The following GRM7 variants were observed in gnomAD, a reference collection of about 807,000 sequenced individuals.
The protein encoded by GRM7 is glutamate metabotropic receptor 7, also known as metabotropic glutamate receptor 7.
A neutral mutation model predicts 84.5 loss-of-function variants in GRM7; 35 were observed. That is an observed-to-expected ratio of 0.41 (90% CI 0.32 to 0.55). The LOEUF (loss-of-function observed/expected upper bound fraction) is 0.55. GRM7 is among the 20% of genes least tolerant of loss of function. The pLI, the probability that GRM7 is intolerant of heterozygous loss-of-function variation, is 0.19. For synonymous variants in GRM7, 487 were observed against 455.1 expected (o/e 1.07, Z -0.89); for missense variants, 1,003 against 1,194.6 (o/e 0.84, Z 2.36).
chr3:7,590,169 C>G (rs2125062547), intron 8 of GRM7, among the ~76,000 whole-genome samples: 1 of 152,246 alleles, frequency 6.6e-6, no homozygotes, highest in East Asian at 1.9e-4. Flanking sequence ...ACCTGTGACC[C>G]CCAACCAGTG....
intron 8 of GRM7, among the ~76,000 whole-genome samples, chr3:7,657,445 C>A (rs1699256626): frequency 6.6e-6 from 1 of 152,206 alleles, no homozygotes; most frequent in Non-Finnish European, 1.5e-5. Context: ...AATTCAACCC[C>A]AAAAAATGTA....
At chr3:7,020,546 A>G (rs1361772885) in intron 1 of GRM7, among the ~76,000 whole-genome samples, 1 of 152,180 alleles carries the variant, frequency 6.6e-6, no homozygotes, top group Non-Finnish European at 1.5e-5. Context: ...CTACTGACAT[A>G]ATGTTTGAGA....
At chr3:7,505,602 C>T (rs896581528) in intron 7 of GRM7, among the ~76,000 whole-genome samples, 2 of 152,212 alleles carry the variant, frequency 1.3e-5, no homozygotes, top group Non-Finnish European at 2.9e-5. Flanking sequence ...CATGCCTGCA[C>T]AATTAGAGCC....
At chr3:7,529,167 C>T (rs780580820) in intron 7 of GRM7, among the ~76,000 whole-genome samples, 3 of 151,988 alleles carry the variant, frequency 2.0e-5, no homozygotes, top group Non-Finnish European at 4.4e-5. Flanking sequence ...TGGTAAAGTT[C>T]GAGAGCCTTT....
intron 4 of GRM7, among the ~76,000 whole-genome samples, chr3:7,341,054 A>G (rs781306814): frequency 2.0e-5 from 3 of 152,142 alleles, no homozygotes; most frequent in Non-Finnish European, 4.4e-5. Context: ...GGCCATACAG[A>G]CAATGCTTCT....
intron 2 of GRM7, among the ~76,000 whole-genome samples, chr3:7,263,914 C>T (rs1414773798): frequency 6.6e-6 from 1 of 152,056 alleles, no homozygotes; most frequent in East Asian, 1.9e-4. Context: ...TACACACGTG[C>T]CAGCAAAGTG....
At chr3:7,722,789 G>A (rs1356424971) in intron 9 of GRM7, among the ~76,000 whole-genome samples, 1 of 151,864 alleles carries the variant, frequency 6.6e-6, no homozygotes, top group Non-Finnish European at 1.5e-5. Context: ...TGGCTATTTT[G>A]ATGATCACTC....
intron 4 of GRM7, among the ~76,000 whole-genome samples, chr3:7,338,568 A>G (rs917480201): frequency 1.3e-5 from 2 of 152,158 alleles, no homozygotes; most frequent in African/African-American, 2.4e-5. Context: ...ATCGTTAAGT[A>G]CAACAAGCAA....
chr3:7,181,769 C>T (rs2125097603), intron 2 of GRM7, among the ~76,000 whole-genome samples: 1 of 152,014 alleles, frequency 6.6e-6, no homozygotes, highest in Non-Finnish European at 1.5e-5. Flanking sequence ...CCAGCACACC[C>T]AGTTATTTTT....
intron 9 of GRM7, among the ~76,000 whole-genome samples, chr3:7,730,585 G>A (rs559011085): frequency 2.0e-5 from 3 of 152,324 alleles, no homozygotes; most frequent in East Asian, 1.9e-4. Flanking sequence ...TTCAATAAAT[G>A]TATAAAGGAA....
intron 5 of GRM7, among the ~76,000 whole-genome samples, chr3:7,416,346 C>T (rs59890810): frequency 6.6e-6 from 1 of 152,198 alleles, no homozygotes; most frequent in East Asian, 1.9e-4. Flanking sequence ...GTAGTGATGA[C>T]CTTCAGGTAT....
At chr3:7,650,463 C>A (rs1366637462) in intron 8 of GRM7, among the ~76,000 whole-genome samples, 1 of 152,124 alleles carries the variant, frequency 6.6e-6, no homozygotes, top group Non-Finnish European at 1.5e-5. Context: ...TGTGTCAGGC[C>A]AAATGGAAGT....
intron 2 of GRM7, among the ~76,000 whole-genome samples, chr3:7,286,707 C>G (rs1483763748): frequency 1.3e-5 from 2 of 152,110 alleles, no homozygotes; most frequent in South Asian, 4.1e-4. Context: ...TTAAGGATCT[C>G]TGCATGCATG....
chr3:7,411,276 G>C (rs531398264), intron 4 of GRM7, among the ~76,000 whole-genome samples: 1 of 152,064 alleles, frequency 6.6e-6, no homozygotes. Flanking sequence ...GTTAGGACAT[G>C]GACATTTTTT....
intron 1 of GRM7, among the ~76,000 whole-genome samples, chr3:6,942,350 T>G (rs1247878900): frequency 6.6e-6 from 1 of 152,182 alleles, no homozygotes; most frequent in Non-Finnish European, 1.5e-5. Flanking sequence ...AATATAAGTT[T>G]TGACTTATGT....
intron 2 of GRM7, among the ~76,000 whole-genome samples, chr3:7,296,410 T>G (rs1699816306): frequency 6.6e-6 from 1 of 152,100 alleles, no homozygotes. Context: ...TAAAATGAGT[T>G]ATGTTCTCTC....
chr3:7,351,360 AAAAC>A (rs1693137366), intron 4 of GRM7, among the ~76,000 whole-genome samples: 1 of 150,946 alleles, frequency 6.6e-6, no homozygotes, highest in African/African-American at 2.5e-5. Flanking sequence ...AAAAAAAAAA[AAAAC>A]AACTGACTTA....
chr3:7,295,519 A>G (rs879778153), intron 2 of GRM7, among the ~76,000 whole-genome samples: 6 of 122,916 alleles, frequency 4.9e-5, no homozygotes, highest in Non-Finnish European at 8.2e-5. Flanking sequence ...CTACAAAAAT[A>G]AAATAAAATA....
intron 2 of GRM7, among the ~76,000 whole-genome samples, chr3:7,293,603 C>T (rs1272223269): frequency 2.6e-5 from 4 of 152,164 alleles, no homozygotes; most frequent in African/African-American, 4.8e-5. Flanking sequence ...GCAATACCAA[C>T]GGGCAGCATC....
Sources: allele counts gnomAD v4.1 joint callset (sites outside exome capture counted in the v4.1 genomes callset), GRCh38; gene constraint gnomAD v4.1.1; transcripts MANE v1.5; gene names NCBI Gene and HGNC (gene_info 2026-07-23, HGNC 2026-07-21).